CR1L: variants seen among roughly 807,000 people sequenced by gnomAD.
The protein encoded by CR1L is complement C3b/C4b receptor 1 like, also known as complement component receptor 1-like protein.
CR1L carries 59 observed loss-of-function variants against 62.3 expected under a neutral mutation model. The ratio of observed to expected loss-of-function variants is 0.95; its 90% CI spans 0.77 to 1.18. The LOEUF is 1.18. CR1L is among the 50% of genes most tolerant of loss of function. CR1L has a pLI of 0.00. For missense variants in CR1L, 700 were observed against 702.8 expected, an observed-to-expected ratio of 1.00 and a Z score of 0.04; for synonymous variants, 279 against 248.7, an observed-to-expected ratio of 1.12 and a Z score of -1.15.
At chr1:207,698,288 T>C (rs898823364) in intron 7 of CR1L, among the ~76,000 whole-genome samples, 1 of 152,186 alleles carries the variant, frequency 6.6e-6, no homozygotes, top group African/African-American at 2.4e-5. Context: ...TTAAGAATCA[T>C]TTCAGTAAAT....
intron 8 of CR1L, among the ~76,000 whole-genome samples, chr1:207,700,424 C>A (rs1664172951): frequency 1.3e-5 from 2 of 152,028 alleles, no homozygotes; most frequent in African/African-American, 4.8e-5. Flanking sequence ...CTTCCAAATG[C>A]CAGTTCTAAT....
chr1:207,649,220 A>T (rs1663184426), intron 1 of CR1L, among the ~76,000 whole-genome samples: 1 of 152,130 alleles, frequency 6.6e-6, no homozygotes. Flanking sequence ...CCGGCCAGGG[A>T]GGAAGGGTAT....
At chr1:207,664,450 T>C (rs1663478826) in intron 1 of CR1L, among the ~76,000 whole-genome samples, 1 of 152,240 alleles carries the variant, frequency 6.6e-6, no homozygotes. Context: ...GCCTGTTAAC[T>C]GGTAGCCTCC....
Position 207,699,218 on chromosome 1 carries a change from A to C in CR1L, c.1172A>C (p.Tyr391Ser), listed in dbSNP as rs545020633. ...GFQLKGSSAS[Y>S]CVLAGMESLW... ...CAATTAAAAGGCAGCTCTGCTAGTT[A>C]CTGTGTTTTGGCTGGAATGGAAAGC... is the stretch of plus-strand genomic sequence containing the variant. The change falls in exon 8 of 12, where the codon TAC becomes TCC. Residue 391 changes from tyrosine (Y) to serine (S), a missense_variant. Physicochemically the swap from Tyr to Ser is moderately radical, Grantham distance 144 (BLOSUM62 -2). Coordinates refer to ENST00000508064, the MANE Select transcript of CR1L (RefSeq NM_175710.2). The C allele has an allele frequency of 1.1e-5, 17 of 1,613,562 alleles. No individual in the cohort carries two copies. The highest frequency in any genetic ancestry group is 1.4e-5 in the Non-Finnish European group (16 of 1,179,706).
At chr1:207,705,266 G>A (rs1664249771) in intron 9 of CR1L, among the ~76,000 whole-genome samples, 1 of 152,244 alleles carries the variant, frequency 6.6e-6, no homozygotes, top group African/African-American at 2.4e-5. Context: ...TAACTGGATT[G>A]CATCTGCAAA....
At chr1:207,652,755 T>C (rs1663241910) in intron 1 of CR1L, 1 of 747,452 alleles carries the variant, frequency 1.3e-6, no homozygotes, top group Non-Finnish European at 2.4e-6. Flanking sequence ...CTAGCCTTTT[T>C]TTTTTGTTTT....
intron 1 of CR1L, among the ~76,000 whole-genome samples, chr1:207,662,479 C>A (rs1663441445): frequency 6.6e-6 from 1 of 152,170 alleles, no homozygotes; most frequent in Non-Finnish European, 1.5e-5. Context: ...AGTTCTCGTG[C>A]CATAGTTTTC....
intron 10 of CR1L, among the ~76,000 whole-genome samples, chr1:207,716,527 GTTTAC>G (rs1338546294): frequency 1.3e-5 from 2 of 151,986 alleles, no homozygotes; most frequent in Admixed American, 6.6e-5. Flanking sequence ...ATTGGAAAAT[GTTTAC>G]TTTAATTTGC....
rs185636103 is a variant in CR1L at position 207,676,713 on chromosome 1, G to T, written c.98-676G>T. On this transcript the variant is annotated intron_variant, in intron 1 of 11. Coordinates refer to ENST00000508064, the MANE Select transcript of CR1L (RefSeq NM_175710.2). ...TCTGTCACCCAGGCTGGAGTGCAGT[G>T]GCACAGTCTTGGCTCACTGCAACCT... 4.1e-4 allele frequency among the ~76,000 whole-genome samples: 63 copies of T among 152,220 alleles called. 1 individual carries two copies. In the East Asian group the frequency reaches 0.011, roughly 26 times the overall value.
intron 10 of CR1L, among the ~76,000 whole-genome samples, chr1:207,717,051 T>C (rs1391528191): frequency 6.6e-6 from 1 of 152,204 alleles, no homozygotes; most frequent in Non-Finnish European, 1.5e-5. Flanking sequence ...AGTTCATGAC[T>C]ATTAAAGTTC....
intron 1 of CR1L, among the ~76,000 whole-genome samples, chr1:207,674,520 T>G (rs1663659591): frequency 6.6e-6 from 1 of 152,180 alleles, no homozygotes; most frequent in South Asian, 2.1e-4. Context: ...TGTTCCTTTT[T>G]TGGGCTACTA....
intron 10 of CR1L, 92 bp from the exon 11 acceptor site, chr1:207,717,372 A>T: frequency 1.4e-6 from 2 of 1,398,236 alleles, no homozygotes; most frequent in African/African-American, 1.5e-5. Flanking sequence ...AAGAAAAAAA[A>T]TTATATTCAT....
rs1654030710 is a variant in CR1L at position 207,717,519 on chromosome 1, C to G, written c.1470C>G (p.Pro490=). 6.2e-7 allele frequency: 1 copy of G among 1,613,592 alleles called. No individual in the cohort carries two copies. ...AILNGRHTGT[P]LGDIPYGKEV... The stretch of plus-strand genomic sequence containing the variant: ...TTAATGGGAGACACACAGGAACTCC[C>G]CTTGGAGATATTCCCTATGGAAAAG... The change falls in exon 11 of 12, where the codon CCC becomes CCG. Residue 490 remains proline, a synonymous_variant. Coordinates refer to ENST00000508064, the MANE Select transcript of CR1L (RefSeq NM_175710.2).
chr1:207,669,654 T>A, intron 1 of CR1L: 2 of 784,402 alleles, frequency 2.5e-6, no homozygotes, highest in Non-Finnish European at 3.9e-6. Flanking sequence ...TGGGCTGCGC[T>A]GCTCTGCGCG....
intron 1 of CR1L, among the ~76,000 whole-genome samples, chr1:207,672,592 C>T (rs1479134490): frequency 2.0e-5 from 3 of 152,022 alleles, no homozygotes; most frequent in African/African-American, 7.2e-5. Flanking sequence ...CATATACAGA[C>T]GACTTCATCC....
chr1:207,663,710 T>C (rs1018920687), intron 1 of CR1L, among the ~76,000 whole-genome samples: 1 of 152,190 alleles, frequency 6.6e-6, no homozygotes, highest in Non-Finnish European at 1.5e-5. Context: ...TCACCCGTCT[T>C]CTGTGTCGCT....
chr1:207,663,865 A>G (rs1031574256), intron 1 of CR1L, among the ~76,000 whole-genome samples: 1 of 152,222 alleles, frequency 6.6e-6, no homozygotes, highest in Non-Finnish European at 1.5e-5. Flanking sequence ...GAGTGCAACC[A>G]GTTTGAGTCT....
At chr1:207,690,476 C>T (rs1404593148) in intron 4 of CR1L, among the ~76,000 whole-genome samples, 1 of 152,152 alleles carries the variant, frequency 6.6e-6, no homozygotes, top group Non-Finnish European at 1.5e-5. Context: ...TACATATGCA[C>T]TTGAAAAGAC....
chr1:207,714,936 G>A (rs916765253), intron 10 of CR1L, among the ~76,000 whole-genome samples: 6 of 152,112 alleles, frequency 3.9e-5, no homozygotes, highest in Non-Finnish European at 7.4e-5. Flanking sequence ...AGAATAAGTG[G>A]GATGTCAGAG....
Sources: allele counts gnomAD v4.1 joint callset (sites outside exome capture counted in the v4.1 genomes callset), GRCh38; gene constraint gnomAD v4.1.1; transcripts MANE v1.5; gene names NCBI Gene and HGNC (gene_info 2026-07-23, HGNC 2026-07-21).